WWOX: variants seen among roughly 807,000 people sequenced by gnomAD.
WWOX encodes WW domain containing oxidoreductase.
WWOX carries 69 observed loss-of-function variants against 46.2 expected under a neutral mutation model. The ratio of observed to expected loss-of-function variants is 1.49; its 90% CI spans 1.23 to 1.82. WWOX has a LOEUF of 1.82. Ranked by LOEUF, WWOX falls within the 40% of genes most tolerant of loss-of-function variation. The probability of loss-of-function intolerance (pLI) is 0.00; values close to 1 mark genes in which losing one functional copy is unlikely to be tolerated. For missense variants in WWOX, 919 were observed against 542.6 expected (o/e 1.69, Z -6.89); for synonymous variants, 359 against 202.6 (o/e 1.77, Z -6.56).
chr16:78,846,156 A>G (rs1288198193), intron 8 of WWOX, among the ~76,000 whole-genome samples: 2 of 152,224 alleles, frequency 1.3e-5, no homozygotes, highest in African/African-American at 4.8e-5. Context: ...ATTTTGAAAT[A>G]AATGTTGGCT....
chr16:78,673,220 T>G (rs1351586877), intron 8 of WWOX, among the ~76,000 whole-genome samples: 1 of 151,760 alleles, frequency 6.6e-6, no homozygotes, highest in Non-Finnish European at 1.5e-5. Flanking sequence ...AAAACAGGAA[T>G]TTTCAGAGCA....
At chr16:78,845,247 C>G (rs998592375) in intron 8 of WWOX, among the ~76,000 whole-genome samples, 1 of 150,432 alleles carries the variant, frequency 6.6e-6, no homozygotes, top group African/African-American at 2.4e-5. Context: ...GCTATTGTGG[C>G]TCAAAATGAA....
chr16:79,164,670 G>A (rs886752345), intron 8 of WWOX, among the ~76,000 whole-genome samples: 4 of 152,100 alleles, frequency 2.6e-5, no homozygotes, highest in Admixed American at 6.5e-5. Flanking sequence ...AATGAATTTC[G>A]AAAGGGCCGC....
chr16:78,701,340 G>C (rs908332386), intron 8 of WWOX, among the ~76,000 whole-genome samples: 6 of 152,082 alleles, frequency 3.9e-5, no homozygotes, highest in Admixed American at 1.3e-4. Flanking sequence ...GCCTCCCATA[G>C]TGCTGGCGTT....
At chr16:78,862,648 C>T (rs1213718400) in intron 8 of WWOX, among the ~76,000 whole-genome samples, 3 of 152,086 alleles carry the variant, frequency 2.0e-5, no homozygotes, top group South Asian at 2.1e-4. Flanking sequence ...GATAAAAAGG[C>T]ATCAGTTCCA....
At position 78,173,450 on chromosome 16, in the gene WWOX, G is replaced by C. The variant is rs568977976; in HGVS notation, c.516+9161G>C. ...ACTACAGGCTTATGCCACCACACCTGGCTAATTTTTTTTTTTTTTTTTTTT... is the reference window on the plus strand; with the variant it reads ...ACTACAGGCTTATGCCACCACACCTCGCTAATTTTTTTTTTTTTTTTTTTT... On this transcript the variant is annotated intron_variant, in intron 5 of 8. Coordinates refer to ENST00000566780, the MANE Select transcript of WWOX (RefSeq NM_016373.4). Among the ~76,000 whole-genome samples, 7 of 145,884 alleles carry C rather than the reference G, an allele frequency of 4.8e-5. No individual in the cohort carries two copies. The South Asian group carries it at 1.1e-3, about 23-fold the overall frequency.
chr16:78,987,109 T>C (rs1373820503), intron 8 of WWOX, among the ~76,000 whole-genome samples: 1 of 152,180 alleles, frequency 6.6e-6, no homozygotes, highest in African/African-American at 2.4e-5. Flanking sequence ...ACTTGCCACT[T>C]TGATAGCAGT....
intron 8 of WWOX, among the ~76,000 whole-genome samples, chr16:78,541,064 A>T (rs1411193974): frequency 2.0e-5 from 3 of 152,174 alleles, no homozygotes; most frequent in Admixed American, 6.5e-5. Context: ...GATTTTTTAA[A>T]AGGCTTTTGA....
At chr16:78,464,581 G>C (rs8056225) in intron 8 of WWOX, among the ~76,000 whole-genome samples, 10,087 of 152,134 alleles carry the variant, frequency 0.066, 1,088 homozygotes, top group African/African-American at 0.23. Flanking sequence ...AAGGGTAAAG[G>C]TGCAGGTTAG....
chr16:78,896,575 T>A (rs752969881), intron 8 of WWOX: 1 of 152,154 alleles, frequency 6.6e-6, no homozygotes, highest in Non-Finnish European at 1.5e-5. Context: ...CTGGGACATA[T>A]GACACTGAAG....
At chr16:78,857,787 A>C (rs888624426) in intron 8 of WWOX, among the ~76,000 whole-genome samples, 1 of 152,196 alleles carries the variant, frequency 6.6e-6, no homozygotes, top group African/African-American at 2.4e-5. Flanking sequence ...ACAGGAGAAA[A>C]GAACATCTGC....
intron 6 of WWOX, among the ~76,000 whole-genome samples, chr16:78,403,247 C>T (rs1377657120): frequency 6.6e-6 from 1 of 152,176 alleles, no homozygotes; most frequent in Non-Finnish European, 1.5e-5. Context: ...TCACCTCTGC[C>T]ACCACCTATT....
intron 8 of WWOX, among the ~76,000 whole-genome samples, chr16:78,712,579 T>C (rs2048466277): frequency 6.6e-6 from 1 of 152,178 alleles, no homozygotes; most frequent in Non-Finnish European, 1.5e-5. Flanking sequence ...ATGCTCATTT[T>C]GATTTGGATT....
At chr16:79,140,945 C>G (rs376710843) in intron 8 of WWOX, among the ~76,000 whole-genome samples, 59 of 152,250 alleles carry the variant, frequency 3.9e-4, no homozygotes, top group African/African-American at 1.3e-3. Flanking sequence ...GGTTGGACCT[C>G]TGACTTTCAA....
intron 8 of WWOX, among the ~76,000 whole-genome samples, chr16:79,014,324 C>T (rs1475530913): frequency 1.3e-5 from 2 of 152,160 alleles, no homozygotes; most frequent in Non-Finnish European, 2.9e-5. Context: ...GGTGGTTCTG[C>T]TGGCAGTCGG....
At chr16:78,910,689 G>T (rs894640895) in intron 8 of WWOX, among the ~76,000 whole-genome samples, 2 of 151,876 alleles carry the variant, frequency 1.3e-5, no homozygotes, top group Non-Finnish European at 2.9e-5. Context: ...CATCTTACAT[G>T]GTGGCAGGCA....
At chr16:79,163,885 A>G (rs1372578591) in intron 8 of WWOX, among the ~76,000 whole-genome samples, 1 of 28,296 alleles carries the variant, frequency 3.5e-5, no homozygotes, top group African/African-American at 4.0e-4. Flanking sequence ...AGAGAATTGG[A>G]AAAAAAAAAA....
intron 8 of WWOX, among the ~76,000 whole-genome samples, chr16:78,481,708 T>C (rs1338288182): frequency 6.9e-6 from 1 of 144,562 alleles, no homozygotes; most frequent in Non-Finnish European, 1.5e-5. Flanking sequence ...CTATGACTTT[T>C]GCTCAGGGCA....
chr16:78,428,643 T>TTAG (rs779409098), intron 7 of WWOX, among the ~76,000 whole-genome samples: 8 of 152,226 alleles, frequency 5.3e-5, no homozygotes, highest in Non-Finnish European at 1.0e-4. Flanking sequence ...TTTAATTCAC[T>TTAG]TAGTGTTCCC....
Sources: allele counts gnomAD v4.1 joint callset (sites outside exome capture counted in the v4.1 genomes callset), GRCh38; gene constraint gnomAD v4.1.1; transcripts MANE v1.5; gene names NCBI Gene and HGNC (gene_info 2026-07-23, HGNC 2026-07-21).